Variants in CERS1 observed in about 807,000 individuals in gnomAD.
The protein encoded by CERS1 is Embryonic growth/differentiation factor 1.
In CERS1, 16 loss-of-function variants were observed where a neutral mutation model predicts 35.7. That is an observed-to-expected ratio of 0.45 (90% CI 0.30 to 0.68). The LOEUF (loss-of-function observed/expected upper bound fraction) is 0.68. Among genes scored for constraint, CERS1 ranks in the 30% least tolerant of loss-of-function variants. The pLI, the probability that CERS1 is intolerant of heterozygous loss-of-function variation, is 0.08. For synonymous variants in CERS1, 243 were observed against 201.6 expected (o/e 1.21, Z -1.74); for missense variants, 454 against 453.9 (o/e 1.00, Z 0.00).
At chr19:18,891,350 C>T (rs1049014986) in intron 2 of CERS1, among the ~76,000 whole-genome samples, 1 of 152,180 alleles carries the variant, frequency 6.6e-6, no homozygotes, top group Non-Finnish European at 1.5e-5. Flanking sequence ...CCCTGGCCCA[C>T]AGCCCTGGTG....
chr19:18,880,327 ATGGTAGGAGCC>A lies in CERS1; in HGVS notation c.688_698del (p.Gly230SerfsTer44). ...AGTCTGCTGCCAAGGCATGCAGCCGATGGTAGGAGCCGCCGCGGGACTTGAAGTAAATGTTG... is the reference window on the plus strand; with the variant it reads ...AGTCTGCTGCCAAGGCATGCAGCCGAGCCGCGGGACTTGAAGTAAATGTTG... On this transcript the variant is annotated frameshift_variant, in exon 4 of 8. Transcript: ENST00000623882. LOFTEE classifies it high-confidence loss of function. 6.4e-7 allele frequency: 1 copy of A among 1,554,776 alleles called. No individual in the cohort carries two copies. The highest frequency in any genetic ancestry group is 8.7e-7 in the Non-Finnish European group (1 of 1,149,298).
At chr19:18,882,358 C>T (rs1181227410) in intron 3 of CERS1, among the ~76,000 whole-genome samples, 3 of 151,712 alleles carry the variant, frequency 2.0e-5, no homozygotes, top group Admixed American at 6.6e-5. Flanking sequence ...ACTAACCAGA[C>T]GTGGTGGCTC....
chr19:18,870,345 C>T lies in CERS1; in HGVS notation c.*232G>A, dbSNP rs2055945857. 1.9e-6 allele frequency: 3 copies of T among 1,541,238 alleles called. No individual in the cohort carries two copies. Among genetic ancestry groups the T allele is most frequent in the African/African-American group, 2.8e-5 (2 of 72,406 alleles). ...CGATGACCAGAGAGTGCGCAGGGTC[C>T]GCGGCGGCCCGGGACCAGTGGGCTG... On this transcript the variant is annotated 3_prime_UTR_variant, in exon 7 of 8. Coordinates refer to ENST00000623882, the MANE Select transcript of CERS1 (RefSeq NM_021267.5). This position sits in a 1 kb window ranked among gnomAD's most constrained non-coding sequence, Gnocchi z 5.1.
Position 18,878,358 on chromosome 19 carries a change from G to C in CERS1, c.1010+572C>G. ...TCTGGCTGTCACCCAGGGCTGGTGAGGCTCGTGGGCTATCTCCTTCCCCAG... is the reference window on the plus strand; with the variant it reads ...TCTGGCTGTCACCCAGGGCTGGTGACGCTCGTGGGCTATCTCCTTCCCCAG... On this transcript the variant is annotated intron_variant, in intron 6 of 7. Transcript: ENST00000623882. This position sits in a 1 kb window ranked among gnomAD's most constrained non-coding sequence, Gnocchi z 4.6. The C allele has an allele frequency of 1.0e-6, 1 of 986,216 alleles. No individual in the cohort carries two copies. Among genetic ancestry groups the C allele is most frequent in the South Asian group, 4.7e-5 (1 of 21,336 alleles). 61.1% of individuals were successfully genotyped at this position (986,216 alleles called of 1,614,324 possible). A position where few individuals can be genotyped will look rare whatever the true frequency, so the allele number is the denominator to read the frequency against.
chr19:18,869,998 G>A lies in CERS1; in HGVS notation c.*579C>T. On this transcript the variant is annotated 3_prime_UTR_variant, in exon 7 of 8. Coordinates refer to ENST00000623882, the MANE Select transcript of CERS1 (RefSeq NM_021267.5). ...CCCCACTCACCGCGGTCCGGGATGT[G>A]GCGCACGATGTTTCCGGCGACCCCC... 4 of 1,595,280 alleles carry A rather than the reference G, an allele frequency of 2.5e-6. No homozygotes were observed. Among genetic ancestry groups the A allele is most frequent in the Non-Finnish European group, 2.6e-6 (3 of 1,172,498 alleles).
intron 6 of CERS1, among the ~76,000 whole-genome samples, chr19:18,876,880 C>T (rs915891784): frequency 6.6e-6 from 1 of 152,138 alleles, no homozygotes; most frequent in Non-Finnish European, 1.5e-5. Context: ...TCACCAGCTT[C>T]TTGGTGAAGG....
chr19:18,869,946 C>A, intron 7 of CERS1, 37 bp downstream of exon 7: 1 of 1,550,458 alleles, frequency 6.4e-7, no homozygotes, highest in Non-Finnish European at 8.7e-7. Context: ...GAGGTCTGGC[C>A]TCCAGGACCA....
chr19:18,877,095 G>A (rs982362884), intron 6 of CERS1, among the ~76,000 whole-genome samples: 1 of 152,216 alleles, frequency 6.6e-6, no homozygotes, highest in Admixed American at 6.5e-5. Context: ...AACTCCGGCT[G>A]TCCTTGGAGA....
At chr19:18,887,744 CAA>C (rs201962831) in intron 2 of CERS1, among the ~76,000 whole-genome samples, 13 of 104,004 alleles carry the variant, frequency 1.2e-4, no homozygotes, top group African/African-American at 2.9e-4. Context: ...AACTCCATCT[CAA>C]AAAAAAAAAA....
Position 18,873,624 on chromosome 19 carries a change from G to A in CERS1, c.1011-3005C>T, listed in dbSNP as rs1457807608. ...AGGCCAAGATGGGTGGATCACCTGA[G>A]GTCAGGTGTTCAAGACCAGCCTGGG... On this transcript the variant is annotated intron_variant, in intron 6 of 7. Transcript: ENST00000623882. Among the ~76,000 whole-genome samples the A allele has an allele frequency of 3.9e-5, 6 of 152,068 alleles. No homozygotes were observed. The East Asian group carries it at 1.2e-3, about 29-fold the overall frequency.
At position 18,895,395 on chromosome 19, in the gene CERS1, T is replaced by C. The variant is rs898492655; in HGVS notation, c.249+429A>G. On this transcript the variant is annotated intron_variant, in intron 1 of 7. Coordinates refer to ENST00000623882, the MANE Select transcript of CERS1 (RefSeq NM_021267.5). The surrounding 1 kb of genome is among the most constrained non-coding windows in gnomAD (Gnocchi z 6.4). ...CGCCGAGCCCTCCCGTTCCCGGTCC[T>C]GGGCTTCTCAGTGTCTGGCTCGGCC... is the stretch of plus-strand genomic sequence containing the variant. 6.6e-6 allele frequency among the ~76,000 whole-genome samples: 1 copy of C among 152,054 alleles called. No homozygotes were observed. The highest frequency in any genetic ancestry group is 1.5e-5 in the Non-Finnish European group (1 of 67,984).
chr19:18,868,850 C>T lies in CERS1; in HGVS notation c.*1135G>A. 6.9e-7 allele frequency: 1 copy of T among 1,447,724 alleles called. No homozygotes were observed. Among genetic ancestry groups the T allele is most frequent in the Non-Finnish European group, 9.2e-7 (1 of 1,092,418 alleles). The allele number at this position is 1,447,724 out of a possible 1,614,324, so 89.7% of individuals were successfully genotyped here. A position where few individuals can be genotyped will look rare whatever the true frequency, so the allele number is the denominator to read the frequency against. On this transcript the variant is annotated 3_prime_UTR_variant, in exon 8 of 8. Transcript: ENST00000623882. Reference sequence around the variant, plus strand: ...CTGGCAGTAGTTGGCCAGGAAGCCGCGCGGCGCGATGACCCAGCGGTGCCA... The same window carrying T: ...CTGGCAGTAGTTGGCCAGGAAGCCGTGCGGCGCGATGACCCAGCGGTGCCA...
rs984979614 is a variant in CERS1 at position 18,892,341 on chromosome 19, G to A, written c.409+1075C>T. 2.6e-5 allele frequency among the ~76,000 whole-genome samples: 4 copies of A among 152,080 alleles called. No individual in the cohort carries two copies. The South Asian group carries it at 6.2e-4, about 24-fold the overall frequency. On this transcript the variant is annotated intron_variant, in intron 2 of 7. Coordinates refer to ENST00000623882, the MANE Select transcript of CERS1 (RefSeq NM_021267.5). Reference sequence around the variant, plus strand: ...TAAAAACATCACATTCAGGCTAGGTGCAGTGGCTCACACCTGTAATCCCAG... The same window carrying A: ...TAAAAACATCACATTCAGGCTAGGTACAGTGGCTCACACCTGTAATCCCAG...
rs1263413023 is a variant in CERS1, at chr19:18,895,279, G to A, written c.249+545C>T. Among the ~76,000 whole-genome samples, 3 of 152,184 alleles carry A rather than the reference G, an allele frequency of 2.0e-5. No individual in the cohort carries two copies. The highest frequency in any genetic ancestry group is 4.4e-5 in the Non-Finnish European group (3 of 68,024). The stretch of plus-strand genomic sequence containing the variant: ...CAGCGGGCAAGCCGGCCCCGCCGCC[G>A]CACGGACCCAGCAGAAAACGGGCAG... On this transcript the variant is annotated intron_variant, in intron 1 of 7. Transcript: ENST00000623882. This position sits in a 1 kb window ranked among gnomAD's most constrained non-coding sequence, Gnocchi z 6.4.
intron 2 of CERS1, among the ~76,000 whole-genome samples, chr19:18,888,305 G>A (rs200552739): frequency 1.3e-4 from 20 of 150,936 alleles, no homozygotes; most frequent in Admixed American, 2.0e-4. Flanking sequence ...GTTGCAGTGA[G>A]CTGAGATGGT....
At position 18,868,553 on chromosome 19, in the gene CERS1, C is replaced by CGGTCT. The variant is rs1224662668; in HGVS notation, c.*1431_*1432insAGACC. 1.9e-5 allele frequency: 28 copies of CGGTCT among 1,445,194 alleles called. No homozygotes were observed. The highest frequency in any genetic ancestry group is 2.6e-5 in the Non-Finnish European group (27 of 1,053,876). 89.5% of individuals were successfully genotyped at this position (1,445,194 alleles called of 1,614,324 possible). On this transcript the variant is annotated 3_prime_UTR_variant, in exon 8 of 8. Coordinates refer to ENST00000623882, the MANE Select transcript of CERS1 (RefSeq NM_021267.5). ...GTCCAAGGAGACCAGCGGAGCAGAC[C>CGGTCT]ACGCGGCATTTATTGTTGGGCCCGC...
Position 18,869,315 on chromosome 19 carries a change from G to C in CERS1, c.*670C>G, listed in dbSNP as rs1064793136. 3.2e-5 allele frequency: 49 copies of C among 1,521,738 alleles called. No homozygotes were observed. The highest frequency in any genetic ancestry group is 4.0e-5 in the Non-Finnish European group (46 of 1,141,982). 94.3% of individuals were successfully genotyped at this position (1,521,738 alleles called of 1,614,324 possible). ...CGGGCGCTCAGCGGGTTCCACAGCC[G>C]ACAGGTCGAAGACGACTGTCCACTC... On this transcript the variant is annotated 3_prime_UTR_variant, in exon 8 of 8. Transcript: ENST00000623882.
intron 2 of CERS1, among the ~76,000 whole-genome samples, chr19:18,890,105 C>T (rs544852992): frequency 2.0e-5 from 3 of 152,284 alleles, no homozygotes; most frequent in Non-Finnish European, 4.4e-5. Flanking sequence ...AAATCCTGAC[C>T]GTGGCCTCCG....
At chr19:18,894,425 G>C (rs1445010859) in intron 1 of CERS1, among the ~76,000 whole-genome samples, 1 of 152,162 alleles carries the variant, frequency 6.6e-6, no homozygotes, top group African/African-American at 2.4e-5. Context: ...CTGCCAAGAA[G>C]ATCAGCTTTG....
Sources: gnomAD v4.1 joint callset for allele counts (sites outside exome capture counted in the v4.1 genomes callset) on GRCh38, gnomAD v4.1.1 for gene constraint, Gnocchi (gnomAD v3.1) non-coding constraint, MANE v1.5 for transcripts, NCBI Gene and HGNC (gene_info 2026-07-23, HGNC 2026-07-21) for gene names.